PTPRD: variants seen among roughly 807,000 people sequenced by gnomAD.
PTPRD encodes the protein protein tyrosine phosphatase receptor type D, also known as receptor-type tyrosine-protein phosphatase delta.
A neutral mutation model predicts 214.5 loss-of-function variants in PTPRD; 34 were observed. That is an observed-to-expected ratio of 0.16 (90% CI 0.12 to 0.21). The LOEUF is 0.21. Ranked by LOEUF, PTPRD falls within the 10% of genes least tolerant of loss-of-function variation. PTPRD has a pLI of 1.00. For synonymous variants in PTPRD, 1,128 were observed against 845.7 expected, an observed-to-expected ratio of 1.33 and a Z score of -5.79; for missense variants, 2,545 against 2,398.7, an observed-to-expected ratio of 1.06 and a Z score of -1.27.
intron 11 of PTPRD, among the ~76,000 whole-genome samples, chr9:8,970,894 A>T (rs954831466): frequency 1.0e-4 from 2 of 19,640 alleles, no homozygotes; most frequent in Admixed American, 8.2e-4. Context: ...ATTTTACAAA[A>T]CAAAACAAAA....
chr9:9,228,371 A>G (rs1475245371), intron 9 of PTPRD, among the ~76,000 whole-genome samples: 1 of 152,136 alleles, frequency 6.6e-6, no homozygotes, highest in Non-Finnish European at 1.5e-5. Flanking sequence ...TTATTGAATT[A>G]TTAGATTGCA....
rs867585885 is a variant in PTPRD, at chr9:10,564,116, C to T, written c.-600+48282G>A. On this transcript the variant is annotated intron_variant, in intron 2 of 45. Coordinates refer to ENST00000381196, the MANE Select transcript of PTPRD (RefSeq NM_002839.4). ...TGGGGCTCAAGTAATCCTCCCACCTCAGCCTCCCGAGTGCTGGGACTACTC... is the reference window on the plus strand; with the variant it reads ...TGGGGCTCAAGTAATCCTCCCACCTTAGCCTCCCGAGTGCTGGGACTACTC... 2.0e-5 allele frequency among the ~76,000 whole-genome samples: 3 copies of T among 147,706 alleles called. No individual in the cohort carries two copies. In the South Asian group the frequency reaches 6.5e-4, roughly 32 times the overall value.
At chr9:9,948,884 C>T (rs978813558) in intron 4 of PTPRD, among the ~76,000 whole-genome samples, 1 of 151,930 alleles carries the variant, frequency 6.6e-6, no homozygotes, top group Non-Finnish European at 1.5e-5. Context: ...CAAGATATGG[C>T]AGTCAAATTT....
At chr9:8,623,281 T>C (rs1353863723) in intron 14 of PTPRD, among the ~76,000 whole-genome samples, 1 of 151,916 alleles carries the variant, frequency 6.6e-6, no homozygotes, top group Non-Finnish European at 1.5e-5. Flanking sequence ...CTAACTCTGT[T>C]TTTTAGGATA....
chr9:9,534,338 C>A (rs1219354611), intron 8 of PTPRD, among the ~76,000 whole-genome samples: 2 of 152,044 alleles, frequency 1.3e-5, no homozygotes, highest in Non-Finnish European at 2.9e-5. Flanking sequence ...CAAAATTAGT[C>A]ATCCTCAATT....
At chr9:8,939,635 A>G (rs2099019136) in intron 11 of PTPRD, among the ~76,000 whole-genome samples, 1 of 152,182 alleles carries the variant, frequency 6.6e-6, no homozygotes, top group African/African-American at 2.4e-5. Context: ...ATCTTTCCAA[A>G]TCTAACTTAA....
intron 3 of PTPRD, among the ~76,000 whole-genome samples, chr9:10,272,514 C>G (rs1053545259): frequency 2.6e-5 from 4 of 152,164 alleles, no homozygotes; most frequent in Non-Finnish European, 4.4e-5. Flanking sequence ...CACTGTTAAA[C>G]ACATAGTTCT....
chr9:10,243,437 C>G (rs1012596094), intron 3 of PTPRD, among the ~76,000 whole-genome samples: 1 of 151,886 alleles, frequency 6.6e-6, no homozygotes, highest in Non-Finnish European at 1.5e-5. Context: ...TTTTATTAGT[C>G]AAAACTTACA....
At chr9:9,273,369 G>C (rs1219353612) in intron 9 of PTPRD, among the ~76,000 whole-genome samples, 1 of 151,196 alleles carries the variant, frequency 6.6e-6, no homozygotes, top group African/African-American at 2.4e-5. Flanking sequence ...TATTAAAATT[G>C]TGAAGCTGTG....
intron 8 of PTPRD, among the ~76,000 whole-genome samples, chr9:9,416,170 G>C (rs2076936005): frequency 6.6e-6 from 1 of 152,128 alleles, no homozygotes; most frequent in Non-Finnish European, 1.5e-5. Flanking sequence ...CTAGATGGCT[G>C]AATCAACTTC....
At chr9:10,314,995 G>T (rs952716256) in intron 3 of PTPRD, among the ~76,000 whole-genome samples, 1 of 151,954 alleles carries the variant, frequency 6.6e-6, no homozygotes, top group Non-Finnish European at 1.5e-5. Context: ...TGCCATTTAA[G>T]TGCATCTGGG....
rs143269447 is a variant in PTPRD at position 10,122,452 on chromosome 9, A to T, written c.-544-88662T>A. ...ACAGGTATCAAAGGGCTACCGTGGGAAAGTATGGTTCTAGATGTTTAATTA... is the reference window on the plus strand; with the variant it reads ...ACAGGTATCAAAGGGCTACCGTGGGTAAGTATGGTTCTAGATGTTTAATTA... On this transcript the variant is annotated intron_variant, in intron 3 of 45. Transcript: ENST00000381196. Among the ~76,000 whole-genome samples, 4 of 152,334 alleles carry T rather than the reference A, an allele frequency of 2.6e-5. No individual in the cohort carries two copies. The East Asian group carries it at 7.7e-4, about 29-fold the overall frequency.
chr9:9,040,440 G>A (rs1434546482), intron 10 of PTPRD, among the ~76,000 whole-genome samples: 3 of 152,144 alleles, frequency 2.0e-5, no homozygotes, highest in African/African-American at 4.8e-5. Context: ...TTTTAAAGGT[G>A]TAGAATTTTA....
intron 9 of PTPRD, among the ~76,000 whole-genome samples, chr9:9,238,228 G>A (rs141968804): frequency 6.6e-6 from 1 of 152,154 alleles, no homozygotes; most frequent in African/African-American, 2.4e-5. Context: ...CAGGTCTGAA[G>A]CTCTGCTGTG....
At chr9:8,864,790 G>C (rs573844039) in intron 11 of PTPRD, among the ~76,000 whole-genome samples, 1 of 152,264 alleles carries the variant, frequency 6.6e-6, no homozygotes, top group South Asian at 2.1e-4. Context: ...GAGTAACTGG[G>C]GGTGTTTCCT....
chr9:10,031,625 C>CATATATATATATATATATATATATAT (rs1171466919), intron 4 of PTPRD, among the ~76,000 whole-genome samples: 31 of 87,324 alleles, frequency 3.6e-4, no homozygotes, highest in Admixed American at 1.4e-3. Flanking sequence ...TAAAAAACTC[C>CATATATATATATATATATATATATAT]ATATATATAT....
chr9:8,547,533 C>T (rs142821358), intron 14 of PTPRD, among the ~76,000 whole-genome samples: 207 of 151,690 alleles, frequency 1.4e-3, no homozygotes, highest in African/African-American at 4.8e-3. Context: ...GTACCAGCTA[C>T]TCTCGGGGCT....
rs146305582 is a variant in PTPRD, at chr9:9,702,332, G to C, written c.-287+32201C>G. ...TGGTAACAAGAGAGGAATTAATGCA[G>C]AGAATGGGGCAATAGTGTGAGATCA... On this transcript the variant is annotated intron_variant, in intron 7 of 45. Transcript: ENST00000381196. Among the ~76,000 whole-genome samples, 375 of 152,282 alleles carry C rather than the reference G, an allele frequency of 2.5e-3. 3 individuals are homozygous for C. Among genetic ancestry groups the C allele is most frequent in the African/African-American group, 8.6e-3 (356 of 41,576 alleles).
At chr9:8,737,357 T>A (rs891953018) in intron 11 of PTPRD, among the ~76,000 whole-genome samples, 6 of 152,140 alleles carry the variant, frequency 3.9e-5, no homozygotes, top group African/African-American at 1.4e-4. Flanking sequence ...CACAGCAACA[T>A]TGCCAAAAGG....
Sources: allele counts gnomAD v4.1 joint callset (sites outside exome capture counted in the v4.1 genomes callset), GRCh38; gene constraint gnomAD v4.1.1; transcripts MANE v1.5; gene names NCBI Gene and HGNC (gene_info 2026-07-23, HGNC 2026-07-21).